The following VPS54 variants were observed in gnomAD, a reference collection of about 807,000 sequenced individuals.
The protein encoded by VPS54 is VPS54 subunit of GARP complex.
Under a neutral mutation model 121.5 loss-of-function variants are expected in VPS54, and 45 were observed. The ratio of observed to expected loss-of-function variants is 0.37; its 90% CI spans 0.29 to 0.47. VPS54 has a LOEUF of 0.47. VPS54 is among the 20% of genes least tolerant of loss of function. The pLI is 0.99. For missense variants in VPS54, 1,090 were observed against 1,131.4 expected (o/e 0.96, Z 0.52); for synonymous variants, 371 against 385.8 (o/e 0.96, Z 0.45).
At chr2:63,984,151 T>C (rs1355947263) in intron 1 of VPS54, 132 bp from the exon 2 acceptor site, 5 of 739,162 alleles carry the variant, frequency 6.8e-6, no homozygotes, top group Non-Finnish European at 9.9e-6. Context: ...GAATATTTGC[T>C]CTTAATTGGG....
intron 10 of VPS54, among the ~76,000 whole-genome samples, chr2:63,943,305 C>T (rs780097035): frequency 2.0e-5 from 3 of 151,966 alleles, no homozygotes; most frequent in African/African-American, 4.8e-5. Context: ...TTTTAATAAA[C>T]GCAGCTTCAG....
chr2:63,958,819 T>G (rs1311956638), intron 7 of VPS54, among the ~76,000 whole-genome samples: 1 of 152,206 alleles, frequency 6.6e-6, no homozygotes, highest in African/African-American at 2.4e-5. Context: ...AACAAATAAA[T>G]TTAAAAGAGT....
At position 63,962,177 on chromosome 2, in the gene VPS54, G is replaced by C. The variant is rs376844229; in HGVS notation, c.891C>G (p.His297Gln). ...ACACCTGTACTGTAGGCTGAGTCTG[G>C]TGTACAGTGGCCATTAACTTCAGCT... ...YNKLKLMATV[H>Q]QTQPTVQVLL... is the part of the protein sequence containing the mutation. The change falls in exon 7 of 23, where the codon CAC becomes CAG. Residue 297 changes from histidine (H) to glutamine (Q), a missense_variant. His to Gln is a conservative substitution (Grantham distance 24). This residue lies in a region of VPS54 where 801 missense variants were observed against 757.0 expected (regional missense o/e 1.06). Coordinates refer to ENST00000272322, the MANE Select transcript of VPS54 (RefSeq NM_016516.3). 9.3e-6 allele frequency: 15 copies of C among 1,613,834 alleles called. No homozygotes were observed. Among genetic ancestry groups the C allele is most frequent in the African/African-American group, 1.3e-5 (1 of 74,900 alleles).
At chr2:63,995,183 T>C (rs1677523177) in intron 1 of VPS54, among the ~76,000 whole-genome samples, 1 of 152,226 alleles carries the variant, frequency 6.6e-6, no homozygotes. Flanking sequence ...TCAACGTAGA[T>C]CCAGACATTC....
At chr2:64,014,061 C>T (rs556642183) in intron 1 of VPS54, among the ~76,000 whole-genome samples, 13 of 148,402 alleles carry the variant, frequency 8.8e-5, no homozygotes, top group East Asian at 1.9e-4. Context: ...CGTAGTGACA[C>T]GCCAGAAAGA....
intron 4 of VPS54, among the ~76,000 whole-genome samples, chr2:63,971,366 T>C (rs921850951): frequency 6.6e-6 from 1 of 152,222 alleles, no homozygotes; most frequent in Non-Finnish European, 1.5e-5. Context: ...GTTAAAAATA[T>C]TATGTAGCTT....
At chr2:63,920,362 A>C in intron 14 of VPS54, 84 bp downstream of exon 14, 1 of 1,282,288 alleles carries the variant, frequency 7.8e-7, no homozygotes. Flanking sequence ...TCACTGGCCA[A>C]TTAGGTTTCC....
At chr2:63,954,603 C>T (rs1306880477) in intron 7 of VPS54, among the ~76,000 whole-genome samples, 2 of 152,090 alleles carry the variant, frequency 1.3e-5, no homozygotes, top group South Asian at 2.1e-4. Context: ...TTGTAGCCCA[C>T]AATTAATGAT....
At chr2:63,957,238 C>A (rs189662811) in intron 7 of VPS54, among the ~76,000 whole-genome samples, 1 of 151,882 alleles carries the variant, frequency 6.6e-6, no homozygotes, top group Non-Finnish European at 1.5e-5. Flanking sequence ...GTCAGGAGAT[C>A]GAGGCCATCC....
At chr2:63,969,194 A>G (rs1305210374) in intron 4 of VPS54, among the ~76,000 whole-genome samples, 1 of 152,206 alleles carries the variant, frequency 6.6e-6, no homozygotes, top group East Asian at 1.9e-4. Context: ...AGGTAATTGT[A>G]ATCAATTATA....
intron 7 of VPS54, among the ~76,000 whole-genome samples, chr2:63,957,331 A>T (rs1675547373): frequency 6.6e-6 from 1 of 151,482 alleles, no homozygotes; most frequent in Admixed American, 6.6e-5. Flanking sequence ...AGTCCCAGCT[A>T]CTCAGGAGGC....
chr2:63,941,730 A>G (rs1354213253), intron 11 of VPS54, among the ~76,000 whole-genome samples: 6 of 152,134 alleles, frequency 3.9e-5, no homozygotes, highest in Non-Finnish European at 8.8e-5. Context: ...AAGTGAATAA[A>G]AATGTAAATA....
chr2:63,895,139 G>A (rs973974370), intron 22 of VPS54, among the ~76,000 whole-genome samples: 2 of 151,854 alleles, frequency 1.3e-5, no homozygotes, highest in African/African-American at 2.4e-5. Flanking sequence ...AAATATCTTA[G>A]AGGAAAAAAA....
At chr2:63,934,376 T>G (rs963556239) in intron 11 of VPS54, among the ~76,000 whole-genome samples, 3 of 152,168 alleles carry the variant, frequency 2.0e-5, no homozygotes, top group Non-Finnish European at 4.4e-5. Flanking sequence ...AGAAAAGGAA[T>G]CTGTGTTACT....
chr2:64,008,682 G>C (rs778087941), intron 1 of VPS54, among the ~76,000 whole-genome samples: 2 of 152,118 alleles, frequency 1.3e-5, no homozygotes, highest in African/African-American at 2.4e-5. Flanking sequence ...GTGGGAGGAG[G>C]AGTGGAAATC....
intron 1 of VPS54, among the ~76,000 whole-genome samples, chr2:64,008,249 C>A (rs560305552): frequency 6.6e-6 from 1 of 152,030 alleles, no homozygotes; most frequent in East Asian, 1.9e-4. Context: ...CCCATCTCTA[C>A]AAAAAATACG....
At chr2:63,936,498 A>G (rs1426843551) in intron 11 of VPS54, among the ~76,000 whole-genome samples, 1 of 152,184 alleles carries the variant, frequency 6.6e-6, no homozygotes, top group Non-Finnish European at 1.5e-5. Context: ...AATATCTGGT[A>G]GCCATATTGA....
At chr2:63,898,852 G>A (rs1460675790) in intron 21 of VPS54, among the ~76,000 whole-genome samples, 1 of 151,968 alleles carries the variant, frequency 6.6e-6, no homozygotes, top group East Asian at 1.9e-4. Flanking sequence ...AGCGCAACAG[G>A]GCTGTAGCGG....
chr2:63,910,810 G>A (rs1337075505), intron 20 of VPS54, among the ~76,000 whole-genome samples: 2 of 152,180 alleles, frequency 1.3e-5, no homozygotes, highest in Non-Finnish European at 2.9e-5. Context: ...AAACTCTGTG[G>A]ATGACCAAAG....
Sources: allele counts gnomAD v4.1 joint callset (sites outside exome capture counted in the v4.1 genomes callset), GRCh38; gene constraint gnomAD v4.1.1; regional missense constraint gnomAD v4.1.1; transcripts MANE v1.5; gene names NCBI Gene and HGNC (gene_info 2026-07-23, HGNC 2026-07-21).